STRIP2: variants seen among roughly 807,000 people sequenced by gnomAD.
STRIP2 encodes the protein striatin interacting protein 2.
Under a neutral mutation model 107.1 loss-of-function variants are expected in STRIP2, and 84 were observed. That is an observed-to-expected ratio of 0.78 (90% CI 0.66 to 0.94). The LOEUF (loss-of-function observed/expected upper bound fraction) is 0.94, where lower values mean the gene tolerates loss of function less well. Among genes scored for constraint, STRIP2 ranks in the 40% least tolerant of loss-of-function variants. STRIP2 has a pLI of 0.00. For missense variants in STRIP2, 888 were observed against 1,034.2 expected, an observed-to-expected ratio of 0.86 and a Z score of 1.94; for synonymous variants, 394 against 400.4, an observed-to-expected ratio of 0.98 and a Z score of 0.19.
chr7:129,476,700 C>G (rs1328923197), intron 18 of STRIP2, among the ~76,000 whole-genome samples: 1 of 150,754 alleles, frequency 6.6e-6, no homozygotes, highest in African/African-American at 2.4e-5. Flanking sequence ...ACTGGGCAGC[C>G]GGGCAGAGGG....
In STRIP2 at chr7:129,444,014, C is replaced by G. The variant is rs1797971175; in HGVS notation, c.200-10C>G. 1 of 1,609,602 alleles carries G rather than the reference C, an allele frequency of 6.2e-7. No homozygotes were observed. Among genetic ancestry groups the G allele is most frequent in the Non-Finnish European group, 8.5e-7 (1 of 1,176,078 alleles). ...TCCCGAATGTGACTGTTCTGTCTTTCCTGCCACAGAATTGTATAGTTACAC... is the reference window on the plus strand; with the variant it reads ...TCCCGAATGTGACTGTTCTGTCTTTGCTGCCACAGAATTGTATAGTTACAC... On this transcript the variant is annotated splice_polypyrimidine_tract_variant and intron_variant, in intron 2 of 20. Coordinates refer to ENST00000249344, the MANE Select transcript of STRIP2 (RefSeq NM_020704.3).
chr7:129,448,765 C>T (rs1427204220), intron 3 of STRIP2, among the ~76,000 whole-genome samples: 3 of 152,188 alleles, frequency 2.0e-5, no homozygotes, highest in South Asian at 2.1e-4. Flanking sequence ...CCTGCCACCT[C>T]GGGATCCAAT....
chr7:129,476,214 C>G (rs377080005), intron 18 of STRIP2, among the ~76,000 whole-genome samples: 1 of 41,124 alleles, frequency 2.4e-5, no homozygotes, highest in Non-Finnish European at 6.1e-5. Flanking sequence ...CCCTCCCGGA[C>G]GGGGCGGCTG....
At position 129,480,908 on chromosome 7, in the gene STRIP2, A is replaced by C; in HGVS notation, c.2049+19A>C. ...GACCATGGTGAGTGTGGTTTTTTACATCATGGAGTTGTCCATCTGACTGAA... is the reference window on the plus strand; with the variant it reads ...GACCATGGTGAGTGTGGTTTTTTACCTCATGGAGTTGTCCATCTGACTGAA... On this transcript the variant is annotated intron_variant, in intron 19 of 20. Transcript: ENST00000249344. 1 of 1,581,628 alleles carries C rather than the reference A, an allele frequency of 6.3e-7. No homozygotes were observed. The highest frequency in any genetic ancestry group is 8.6e-7 in the Non-Finnish European group (1 of 1,159,834).
At chr7:129,463,348 A>G (rs1662219249) in intron 14 of STRIP2, among the ~76,000 whole-genome samples, 1 of 152,126 alleles carries the variant, frequency 6.6e-6, no homozygotes. Context: ...CATGTCCTAG[A>G]TAGCCTCAGG....
intron 5 of STRIP2, 66 bp downstream of exon 5, chr7:129,453,413 A>C: frequency 6.3e-7 from 1 of 1,596,158 alleles, no homozygotes; most frequent in Non-Finnish European, 8.5e-7. Flanking sequence ...CTCATGTTCT[A>C]TGCTGCTTCC....
rs147358345 is a variant in STRIP2 at position 129,456,447 on chromosome 7, C to T, written c.843C>T (p.Leu281=). 271 of 1,613,942 alleles carry T rather than the reference C, an allele frequency of 1.7e-4. 1 individual carries two copies. The highest frequency in any genetic ancestry group is 1.5e-3 in the African/African-American group (113 of 74,998). ...TCCTGTTTCTTCCTTAGTTTACCCT[C>T]GGTGGATTTGAGCATCTGCAGACTC... is the stretch of plus-strand genomic sequence containing the variant. ...LLLWKVVMFT[L]GGFEHLQTLK... is the part of the protein sequence containing the mutation. The change falls in exon 9 of 21, where the codon CTC becomes CTT. Residue 281 remains leucine, a synonymous_variant. Transcript: ENST00000249344.
chr7:129,454,322 C>A, intron 6 of STRIP2, 99 bp from the exon 7 acceptor site: 2 of 1,461,868 alleles, frequency 1.4e-6, no homozygotes, highest in Non-Finnish European at 1.9e-6. Context: ...TGTAGCTAAT[C>A]TCACTGGGTT....
chr7:129,479,351 AT>A (rs1199094035), intron 18 of STRIP2, among the ~76,000 whole-genome samples: 1 of 151,980 alleles, frequency 6.6e-6, no homozygotes, highest in Non-Finnish European at 1.5e-5. Flanking sequence ...AACTTGGTCT[AT>A]TTGGGGCAAG....
intron 18 of STRIP2, among the ~76,000 whole-genome samples, chr7:129,478,278 G>A (rs907907309): frequency 1.3e-5 from 2 of 152,208 alleles, no homozygotes; most frequent in Admixed American, 6.5e-5. Flanking sequence ...GGGAGGCCGA[G>A]GCAGGTGGAT....
intron 18 of STRIP2, among the ~76,000 whole-genome samples, chr7:129,479,841 TGGTATTA>T (rs1393576307): frequency 6.6e-6 from 1 of 152,200 alleles, no homozygotes; most frequent in South Asian, 2.1e-4. Context: ...TTTTGGCTCT[TGGTATTA>T]GGTATTAGGA....
chr7:129,481,498 AAATAATAAT>A (rs145902870), intron 19 of STRIP2, among the ~76,000 whole-genome samples: 2 of 151,592 alleles, frequency 1.3e-5, no homozygotes, highest in Non-Finnish European at 2.9e-5. Flanking sequence ...CTCCGTCTCA[AAATAATAAT>A]AATAATAATA....
rs1011269503 is a variant in STRIP2, at chr7:129,449,078, A to G, written c.275-2535A>G. The stretch of plus-strand genomic sequence containing the variant: ...CTCAGAGTGGGCCATCTTTTAATCC[A>G]TAATTCAGCTGACCAAATAAACTAT... On this transcript the variant is annotated intron_variant, in intron 3 of 20. Coordinates refer to ENST00000249344, the MANE Select transcript of STRIP2 (RefSeq NM_020704.3). Among the ~76,000 whole-genome samples, 47 of 152,294 alleles carry G rather than the reference A, an allele frequency of 3.1e-4. 1 individual carries two copies. The Middle Eastern group carries it at 0.01, about 33-fold the overall frequency.
chr7:129,456,607 C>A lies in STRIP2; in HGVS notation c.1003C>A (p.Pro335Thr), dbSNP rs1489551568. ...GGGAGAGTCTCAGCTGGCACCCCCA[C>A]CCTCCAAGCTGCGAGGCCGCCGTGG... ...DLGESQLAPPPSKLRGRRGSR... is the reference protein window; with the variant it reads ...DLGESQLAPPTSKLRGRRGSR... The change falls in exon 9 of 21, where the codon CCC becomes ACC. Residue 335 changes from proline (P) to threonine (T), a missense_variant. Physicochemically the swap from Pro to Thr is conservative, Grantham distance 38. Transcript: ENST00000249344. 6.2e-7 allele frequency: 1 copy of A among 1,614,084 alleles called. No homozygotes were observed. Among genetic ancestry groups the A allele is most frequent in the Admixed American group, 1.7e-5 (1 of 60,012 alleles).
Position 129,485,860 on chromosome 7 carries a change from A to G in STRIP2, c.*31A>G, listed in dbSNP as rs962322124. ...TTCTTGTCAACAAGCATCAATAGATAGAGGTCAGCTCCAATAAACTGTGCT... is the reference window on the plus strand; with the variant it reads ...TTCTTGTCAACAAGCATCAATAGATGGAGGTCAGCTCCAATAAACTGTGCT... On this transcript the variant is annotated 3_prime_UTR_variant, in exon 21 of 21. Coordinates refer to ENST00000249344, the MANE Select transcript of STRIP2 (RefSeq NM_020704.3). 17 of 1,611,552 alleles carry G rather than the reference A, an allele frequency of 1.1e-5. No individual in the cohort carries two copies. Among genetic ancestry groups the G allele is most frequent in the Non-Finnish European group, 1.4e-5 (17 of 1,179,418 alleles).
chr7:129,481,039 T>G, intron 19 of STRIP2, 150 bp downstream of exon 19: 1 of 600,318 alleles, frequency 1.7e-6, no homozygotes, highest in East Asian at 3.0e-5. Context: ...TTCTGGGCAC[T>G]TATTCTATAT....
intron 3 of STRIP2, among the ~76,000 whole-genome samples, chr7:129,445,127 T>C (rs1798001453): frequency 6.6e-6 from 1 of 152,206 alleles, no homozygotes; most frequent in Non-Finnish European, 1.5e-5. Context: ...TTTGTAGTCC[T>C]GCCTGGATTG....
intron 11 of STRIP2, 118 bp from the exon 12 acceptor site, chr7:129,459,399 G>A (rs1197541692): frequency 1.2e-6 from 1 of 839,010 alleles, no homozygotes; most frequent in Non-Finnish European, 2.1e-6. Context: ...AAGGTCTAGG[G>A]TACTGGGGGT....
intron 14 of STRIP2, 43 bp downstream of exon 14, chr7:129,463,083 G>A (rs772531092): frequency 6.6e-7 from 1 of 1,519,938 alleles, no homozygotes; most frequent in Admixed American, 1.8e-5. Context: ...TCTGCTGCAA[G>A]GAACAGACAG....
Sources: gnomAD v4.1 joint callset for allele counts (sites outside exome capture counted in the v4.1 genomes callset) on GRCh38, gnomAD v4.1.1 for gene constraint, MANE v1.5 for transcripts, NCBI Gene and HGNC (gene_info 2026-07-23, HGNC 2026-07-21) for gene names.